The following PCDHA12 variants were observed in gnomAD, a reference collection of about 807,000 sequenced individuals.
PCDHA12 encodes the protein protocadherin alpha-12.
A neutral mutation model predicts 60.0 loss-of-function variants in PCDHA12; 44 were observed. The observed-to-expected ratio is 0.73, with a 90% confidence interval of 0.58 to 0.94. The LOEUF (loss-of-function observed/expected upper bound fraction) is 0.94. Among genes scored for constraint, PCDHA12 ranks in the 40% least tolerant of loss-of-function variants. PCDHA12 has a pLI of 0.00. For missense variants in PCDHA12, 1,276 were observed against 1,239.7 expected (o/e 1.03, Z -0.44); for synonymous variants, 569 against 553.0 (o/e 1.03, Z -0.40).
chr5:140,931,993 T>C (rs1350907359), intron 1 of PCDHA12, among the ~76,000 whole-genome samples: 8 of 152,090 alleles, frequency 5.3e-5, no homozygotes, highest in Admixed American at 3.3e-4. Context: ...GCTCAAATTC[T>C]AAGTTCTTTC....
In PCDHA12 at chr5:140,916,964, T is replaced by C. The variant is rs139574694; in HGVS notation, c.2367+39125T>C. On this transcript the variant is annotated intron_variant, in intron 1 of 3. Transcript: ENST00000398631. The stretch of plus-strand genomic sequence containing the variant: ...GTGAGGCTTGCTGAGTTCTGACTGC[T>C]GGGATGAGTGATTCGCCTCTGGCCA... Among the ~76,000 whole-genome samples, 15 of 152,322 alleles carry C rather than the reference T, an allele frequency of 9.8e-5. No individual in the cohort carries two copies. In the East Asian group the frequency reaches 2.9e-3, roughly 29 times the overall value.
At chr5:140,932,688 TA>T (rs1214634464) in intron 1 of PCDHA12, among the ~76,000 whole-genome samples, 4 of 151,810 alleles carry the variant, frequency 2.6e-5, no homozygotes, top group African/African-American at 9.7e-5. Flanking sequence ...ATATTCAAAT[TA>T]AAAAACTCAT....
At chr5:140,943,050 A>G (rs1450755005) in intron 1 of PCDHA12, among the ~76,000 whole-genome samples, 1 of 152,044 alleles carries the variant, frequency 6.6e-6, no homozygotes, top group African/African-American at 2.4e-5. Flanking sequence ...TGAGGTCAGG[A>G]GTTCAAGAAC....
intron 1 of PCDHA12, chr5:140,884,185 G>T (rs1554181312): frequency 6.2e-7 from 1 of 1,613,444 alleles, no homozygotes. Context: ...CTCTGGACGA[G>T]GTGGACGCGC....
At position 140,877,015 on chromosome 5, in the gene PCDHA12, G is replaced by C. The variant is rs371309003; in HGVS notation, c.1543G>C (p.Gly515Arg). The change falls in exon 1 of 4, where the codon GGC becomes CGC. Residue 515 changes from glycine (G) to arginine (R), a missense_variant. Coordinates refer to ENST00000398631, the MANE Select transcript of PCDHA12 (RefSeq NM_018903.4). Reference protein sequence around the residue: ...SSYVSVHAESGKVYALQPLDH... With the variant: ...SSYVSVHAESRKVYALQPLDH... ...CTACGTGTCGGTGCACGCGGAGAGC[G>C]GCAAGGTGTACGCGCTGCAGCCGCT... 9 of 1,612,358 alleles carry C rather than the reference G, an allele frequency of 5.6e-6. No individual in the cohort carries two copies. The highest frequency in any genetic ancestry group is 7.6e-6 in the Non-Finnish European group (9 of 1,179,810).
chr5:140,941,874 A>C (rs1554214738), intron 1 of PCDHA12, among the ~76,000 whole-genome samples: 1 of 152,222 alleles, frequency 6.6e-6, no homozygotes, highest in African/African-American at 2.4e-5. Context: ...GAGTTCTATC[A>C]CCAGTGACTA....
In PCDHA12 at chr5:140,929,760, G is replaced by A. The variant is rs139688975; in HGVS notation, c.2368-49189G>A. 1,459 of 180,340 alleles carry A rather than the reference G, an allele frequency of 8.1e-3. 10 individuals carry two copies. Among genetic ancestry groups the A allele is most frequent in the African/African-American group, 0.019 (807 of 42,220 alleles). The allele number at this position is 180,340 out of a possible 1,614,324, so 11.2% of individuals were successfully genotyped here. A position where few individuals can be genotyped will look rare whatever the true frequency, so the allele number is the denominator to read the frequency against. Reference sequence around the variant, plus strand: ...TTGCAATGCATTATTAAAAGATGACGATAACCACAAAAGATGTAAAAATAA... The same window carrying A: ...TTGCAATGCATTATTAAAAGATGACAATAACCACAAAAGATGTAAAAATAA... On this transcript the variant is annotated intron_variant, in intron 1 of 3. Transcript: ENST00000398631.
Position 140,968,897 on chromosome 5 carries a change from G to A in PCDHA12, c.2368-10052G>A, listed in dbSNP as rs1554231210. On this transcript the variant is annotated intron_variant, in intron 1 of 3. Transcript: ENST00000398631. The stretch of plus-strand genomic sequence containing the variant: ...TGAAATTACCCTTTATCTAATAATA[G>A]CATTAAGCACAGTGTCTTTTATATT... The A allele has an allele frequency of 3.7e-6, 6 of 1,614,034 alleles. No homozygotes were observed. In the African/African-American group the frequency reaches 4.0e-5, roughly 11 times the overall value.
rs150142414 is a variant in PCDHA12, at chr5:140,941,961, T to C, written c.2368-36988T>C. 4.6e-3 allele frequency among the ~76,000 whole-genome samples: 702 copies of C among 152,326 alleles called. 3 individuals are homozygous for C. Among genetic ancestry groups the C allele is most frequent in the African/African-American group, 0.016 (679 of 41,550 alleles). On this transcript the variant is annotated intron_variant, in intron 1 of 3. Transcript: ENST00000398631. Reference sequence around the variant, plus strand: ...TACTTTTGTTTTGAAAACAATAGTATCTTTACTTTCCCTAAACCTTGATAA... The same window carrying C: ...TACTTTTGTTTTGAAAACAATAGTACCTTTACTTTCCCTAAACCTTGATAA...
At chr5:140,971,209 C>T (rs147218200) in intron 1 of PCDHA12, among the ~76,000 whole-genome samples, 3 of 152,118 alleles carry the variant, frequency 2.0e-5, no homozygotes, top group African/African-American at 7.2e-5. Context: ...ACACTGTTAC[C>T]CTCCCTCTCC....
chr5:140,964,560 TGGGAGGAGATAAG>T (rs2095840156), intron 1 of PCDHA12, among the ~76,000 whole-genome samples: 1 of 152,082 alleles, frequency 6.6e-6, no homozygotes, highest in Admixed American at 6.6e-5. Context: ...CTTGGAGGGC[TGGGAGGAGATAAG>T]GGGAGGAAAG....
intron 1 of PCDHA12, chr5:140,929,151 T>C: frequency 6.2e-7 from 1 of 1,614,202 alleles, no homozygotes; most frequent in East Asian, 2.2e-5. Context: ...TTTCTCAGAC[T>C]TATCTCTATC....
At chr5:141,002,331 C>T (rs550513057) in intron 3 of PCDHA12, among the ~76,000 whole-genome samples, 1 of 152,372 alleles carries the variant, frequency 6.6e-6, no homozygotes, top group South Asian at 2.1e-4. Context: ...CGGGCTGCAT[C>T]CGCACCCCTT....
chr5:140,966,240 G>A (rs1372436745), intron 1 of PCDHA12: 3 of 306,008 alleles, frequency 9.8e-6, no homozygotes, highest in Non-Finnish European at 1.8e-5. Flanking sequence ...GACCCGTTAA[G>A]CAGGGGAGAG....
At chr5:141,008,985 A>G (rs566679512) in intron 3 of PCDHA12, among the ~76,000 whole-genome samples, 2 of 152,240 alleles carry the variant, frequency 1.3e-5, no homozygotes, top group South Asian at 4.1e-4. Context: ...AGTTTAATCT[A>G]GACACTAAAA....
At chr5:140,897,032 T>C (rs2065847458) in intron 1 of PCDHA12, among the ~76,000 whole-genome samples, 2 of 152,146 alleles carry the variant, frequency 1.3e-5, no homozygotes, top group Non-Finnish European at 2.9e-5. Flanking sequence ...ATTTAGACCA[T>C]AGTCACCCTA....
intron 1 of PCDHA12, among the ~76,000 whole-genome samples, chr5:140,907,440 C>T (rs781836409): frequency 4.6e-5 from 7 of 152,222 alleles, no homozygotes; most frequent in Non-Finnish European, 1.0e-4. Flanking sequence ...TGTGAGTCCA[C>T]AGATGGTAAT....
chr5:140,952,157 T>TG (rs771517820), intron 1 of PCDHA12, among the ~76,000 whole-genome samples: 33 of 152,162 alleles, frequency 2.2e-4, no homozygotes, highest in Non-Finnish European at 4.3e-4. Flanking sequence ...TGTGGCTTTG[T>TG]GGGGTTCAGT....
intron 3 of PCDHA12, among the ~76,000 whole-genome samples, chr5:140,998,057 A>G (rs2097795221): frequency 1.3e-5 from 2 of 152,294 alleles, no homozygotes; most frequent in South Asian, 4.1e-4. Flanking sequence ...TGACATCATC[A>G]TCAACAGACT....
Sources: allele counts gnomAD v4.1 joint callset (sites outside exome capture counted in the v4.1 genomes callset), GRCh38; gene constraint gnomAD v4.1.1; transcripts MANE v1.5; gene names NCBI Gene and HGNC (gene_info 2026-07-23, HGNC 2026-07-21).